KSR2: variants seen among roughly 807,000 people sequenced by gnomAD.
The protein encoded by KSR2 is kinase suppressor of ras 2.
A neutral mutation model predicts 107.8 loss-of-function variants in KSR2; 25 were observed. The observed-to-expected ratio is 0.23, with a 90% confidence interval of 0.17 to 0.32. The LOEUF is 0.32. Ranked by LOEUF, KSR2 falls within the 10% of genes least tolerant of loss-of-function variation. The probability of loss-of-function intolerance (pLI) is 1.00; values close to 1 mark genes in which losing one functional copy is unlikely to be tolerated. For synonymous variants in KSR2, 480 were observed against 507.0 expected (o/e 0.95, Z 0.71); for missense variants, 887 against 1,268.9 (o/e 0.70, Z 4.57).
intron 4 of KSR2, among the ~76,000 whole-genome samples, chr12:117,756,793 G>A (rs1397582350): frequency 1.3e-5 from 2 of 152,172 alleles, no homozygotes; most frequent in African/African-American, 2.4e-5. Context: ...AGTGGCTCAC[G>A]CCTGTAATCC....
intron 3 of KSR2, among the ~76,000 whole-genome samples, chr12:117,818,879 AC>A (rs1311877308): frequency 6.6e-6 from 1 of 152,134 alleles, no homozygotes; most frequent in Non-Finnish European, 1.5e-5. Flanking sequence ...TAATGTTTAG[AC>A]CAGGGAAGAG....
intron 3 of KSR2, among the ~76,000 whole-genome samples, chr12:117,763,093 A>G (rs1047247957): frequency 2.7e-5 from 4 of 150,606 alleles, no homozygotes; most frequent in African/African-American, 9.8e-5. Context: ...TCCTGTGTCC[A>G]TGTGTTCTCA....
intron 3 of KSR2, among the ~76,000 whole-genome samples, chr12:117,766,968 C>T (rs531077337): frequency 6.6e-6 from 1 of 151,880 alleles, no homozygotes; most frequent in African/African-American, 2.4e-5. Flanking sequence ...ACTGCAACCT[C>T]CACCTCCTGG....
At chr12:117,836,679 G>A (rs1347250841) in intron 3 of KSR2, among the ~76,000 whole-genome samples, 1 of 152,202 alleles carries the variant, frequency 6.6e-6, no homozygotes, top group African/African-American at 2.4e-5. Context: ...GCTGAATGAC[G>A]CAGCCGGGAG....
intron 1 of KSR2, among the ~76,000 whole-genome samples, chr12:117,954,624 A>G (rs1231936431): frequency 1.3e-5 from 2 of 152,218 alleles, no homozygotes; most frequent in Non-Finnish European, 2.9e-5. Context: ...CCCAGATGGC[A>G]GTGCAGAGCT....
chr12:117,704,753 G>A (rs2136630942), intron 4 of KSR2, among the ~76,000 whole-genome samples: 1 of 152,118 alleles, frequency 6.6e-6, no homozygotes, highest in Middle Eastern at 3.4e-3. Context: ...CAGCTACTTG[G>A]GAGGCTGAGG....
intron 3 of KSR2, among the ~76,000 whole-genome samples, chr12:117,764,156 A>G (rs192559010): frequency 1.2e-4 from 18 of 152,244 alleles, no homozygotes; most frequent in Admixed American, 8.5e-4. Flanking sequence ...AAATTGAGAT[A>G]AGAAAAAAAG....
intron 5 of KSR2, among the ~76,000 whole-genome samples, chr12:117,583,464 G>C (rs1381001964): frequency 1.3e-5 from 2 of 149,572 alleles, no homozygotes; most frequent in Non-Finnish European, 3.0e-5. Flanking sequence ...TGGATGGATG[G>C]GTGAATGGAA....
intron 5 of KSR2, among the ~76,000 whole-genome samples, chr12:117,637,612 C>T (rs143856269): frequency 1.9e-4 from 28 of 149,990 alleles, no homozygotes; most frequent in African/African-American, 6.9e-4. Flanking sequence ...GACTAAATGT[C>T]AGTCAGGTCC....
chr12:117,659,673 G>A (rs1029130298), intron 5 of KSR2, among the ~76,000 whole-genome samples: 1 of 152,128 alleles, frequency 6.6e-6, no homozygotes, highest in African/African-American at 2.4e-5. Flanking sequence ...CTACTCTCTA[G>A]CCTCAGTTTC....
At chr12:117,582,442 G>C (rs1041750812) in intron 5 of KSR2, 83 bp from the exon 6 acceptor site, 2 of 1,005,816 alleles carry the variant, frequency 2.0e-6, no homozygotes, top group African/African-American at 3.2e-5. Context: ...GAAAAGGGGG[G>C]CTCGTCACCC....
intron 4 of KSR2, among the ~76,000 whole-genome samples, chr12:117,672,053 G>A (rs1356328658): frequency 6.6e-6 from 1 of 152,132 alleles, no homozygotes; most frequent in Non-Finnish European, 1.5e-5. Flanking sequence ...TCTCCCCAGG[G>A]GCCCACGGCG....
At chr12:117,952,938 T>C (rs1312347974) in intron 1 of KSR2, among the ~76,000 whole-genome samples, 3 of 147,462 alleles carry the variant, frequency 2.0e-5, no homozygotes, top group African/African-American at 7.6e-5. Flanking sequence ...TTAGCCAAGA[T>C]TGCACCACTG....
intron 5 of KSR2, among the ~76,000 whole-genome samples, chr12:117,599,885 G>A (rs902738997): frequency 2.0e-5 from 3 of 152,242 alleles, no homozygotes; most frequent in Middle Eastern, 3.4e-3. Context: ...GGAAGGAGAC[G>A]GGGAACAAGG....
intron 16 of KSR2, among the ~76,000 whole-genome samples, chr12:117,478,095 A>G (rs1184036053): frequency 1.3e-5 from 2 of 152,138 alleles, no homozygotes; most frequent in Non-Finnish European, 2.9e-5. Context: ...GGGGGTGCAT[A>G]TCTCGAATCA....
At chr12:117,537,108 G>C (rs1477697872) in intron 10 of KSR2, among the ~76,000 whole-genome samples, 2 of 152,182 alleles carry the variant, frequency 1.3e-5, no homozygotes, top group African/African-American at 4.8e-5. Flanking sequence ...AGCTACTCAG[G>C]AGGCTGAGAC....
intron 3 of KSR2, among the ~76,000 whole-genome samples, chr12:117,810,627 A>C (rs979204647): frequency 7.9e-5 from 12 of 152,316 alleles, no homozygotes; most frequent in Non-Finnish European, 1.5e-4. Context: ...CTCAATTTTA[A>C]AGGTGATATC....
At chr12:117,544,429 C>A (rs932275105) in intron 9 of KSR2, among the ~76,000 whole-genome samples, 4 of 151,932 alleles carry the variant, frequency 2.6e-5, no homozygotes, top group Non-Finnish European at 5.9e-5. Flanking sequence ...ACCAGCCTGG[C>A]CAATATAGTG....
chr12:117,557,870 T>A (rs956090933), intron 8 of KSR2, among the ~76,000 whole-genome samples: 12 of 152,118 alleles, frequency 7.9e-5, no homozygotes, highest in Admixed American at 7.9e-4. Context: ...CTACAAAAGT[T>A]CCCAAGGCAG....
Sources: allele counts gnomAD v4.1 joint callset (sites outside exome capture counted in the v4.1 genomes callset), GRCh38; gene constraint gnomAD v4.1.1; transcripts MANE v1.5; gene names NCBI Gene and HGNC (gene_info 2026-07-23, HGNC 2026-07-21).